The following RNF144A variants were observed in gnomAD, a reference collection of about 807,000 sequenced individuals.
RNF144A encodes the protein E3 ubiquitin-protein ligase RNF144A.
In RNF144A, 11 loss-of-function variants were observed where a neutral mutation model predicts 38.7. The ratio of observed to expected loss-of-function variants is 0.28; its 90% CI spans 0.18 to 0.47. The LOEUF is 0.47. Ranked by LOEUF, RNF144A falls within the 20% of genes least tolerant of loss-of-function variation. The pLI is 0.99. For synonymous variants in RNF144A, 149 were observed against 143.9 expected, an observed-to-expected ratio of 1.04 and a Z score of -0.25; for missense variants, 316 against 377.2, an observed-to-expected ratio of 0.84 and a Z score of 1.34.
intron 2 of RNF144A, among the ~76,000 whole-genome samples, chr2:6,992,824 C>A (rs927203807): frequency 5.3e-5 from 8 of 152,320 alleles, no homozygotes; most frequent in Admixed American, 4.6e-4. Flanking sequence ...TGTGTCCACA[C>A]CTCTTTCATC....
intron 2 of RNF144A, among the ~76,000 whole-genome samples, chr2:6,946,588 A>C (rs1666359431): frequency 6.6e-6 from 1 of 152,186 alleles, no homozygotes; most frequent in African/African-American, 2.4e-5. Flanking sequence ...AAATAAGGTG[A>C]AACCTCTTCT....
chr2:6,964,854 A>T (rs1378855019), intron 2 of RNF144A, among the ~76,000 whole-genome samples: 1 of 152,092 alleles, frequency 6.6e-6, no homozygotes, highest in Non-Finnish European at 1.5e-5. Flanking sequence ...GCTTTAGGAG[A>T]TATACCTAAT....
In RNF144A at chr2:7,030,257, C is replaced by CTGTGTGTGTG. The variant is rs58324246; in HGVS notation, c.747+82_747+91dup. The stretch of plus-strand genomic sequence containing the variant: ...CTGGAAGGTTGATCTCAGAGAGAGA[C>CTGTGTGTGTG]TGTGTGTGTGTGTGTGTGTGTGTGT... On this transcript the variant is annotated intron_variant, in intron 8 of 8. Transcript: ENST00000320892. The CTGTGTGTGTG allele has an allele frequency of 2.1e-3, 1,544 of 724,808 alleles. 5 individuals carry two copies. Among genetic ancestry groups the CTGTGTGTGTG allele is most frequent in the Admixed American group, 2.5e-3 (113 of 45,018 alleles). 44.9% of individuals were successfully genotyped at this position (724,808 alleles called of 1,614,324 possible). A position where few individuals can be genotyped will look rare whatever the true frequency, so the allele number is the denominator to read the frequency against.
In RNF144A at chr2:7,020,530, G is replaced by A. The variant is rs1671449323; in HGVS notation, c.359G>A (p.Cys120Tyr). ...WCPASTCQAVCQLQDVGLQTP... is the reference protein window; with the variant it reads ...WCPASTCQAVYQLQDVGLQTP... ...CCGGCGTCCACCTGCCAAGCTGTGT[G>A]TCAGCTCCAGGACGTGGGGCTGCAG... Residue 120 changes from cysteine (C) to tyrosine (Y), a missense_variant, in exon 6 of 9, where the codon TGT (cysteine) becomes TAT (tyrosine). Coordinates refer to ENST00000320892, the MANE Select transcript of RNF144A (RefSeq NM_014746.6). The A allele has an allele frequency of 6.2e-7, 1 of 1,613,762 alleles. No homozygotes were observed. Among genetic ancestry groups the A allele is most frequent in the Non-Finnish European group, 8.5e-7 (1 of 1,180,014 alleles).
chr2:7,015,472 G>C (rs1390162856), intron 5 of RNF144A, among the ~76,000 whole-genome samples: 1 of 152,182 alleles, frequency 6.6e-6, no homozygotes, highest in Non-Finnish European at 1.5e-5. Flanking sequence ...GCTGGAGCAG[G>C]CCTGATGCAG....
chr2:7,033,529 G>T (rs1488843369), intron 8 of RNF144A, among the ~76,000 whole-genome samples: 1 of 152,178 alleles, frequency 6.6e-6, no homozygotes, highest in Non-Finnish European at 1.5e-5. Context: ...TCTCTCCTTT[G>T]CCCTGGCCGT....
chr2:6,946,524 T>C (rs1324798631), intron 2 of RNF144A, among the ~76,000 whole-genome samples: 1 of 151,986 alleles, frequency 6.6e-6, no homozygotes, highest in African/African-American at 2.4e-5. Context: ...ATAATACCTA[T>C]AATTGTATGT....
At chr2:6,945,054 A>G (rs1193090282) in intron 2 of RNF144A, among the ~76,000 whole-genome samples, 1 of 152,258 alleles carries the variant, frequency 6.6e-6, no homozygotes, top group African/African-American at 2.4e-5. Context: ...TAAAAAGAAA[A>G]GAAATTGTTG....
chr2:6,966,905 G>A (rs139922647), intron 2 of RNF144A, among the ~76,000 whole-genome samples: 10 of 152,210 alleles, frequency 6.6e-5, no homozygotes, highest in Admixed American at 1.3e-4. Context: ...ACTTCCACCC[G>A]GAAGCCCTCC....
intron 2 of RNF144A, among the ~76,000 whole-genome samples, chr2:6,965,019 A>G (rs1667570794): frequency 6.6e-6 from 1 of 152,232 alleles, no homozygotes; most frequent in Non-Finnish European, 1.5e-5. Flanking sequence ...TCAACACAGT[A>G]GCAAGGAGTT....
rs185646342 is a variant in RNF144A, at chr2:6,979,110, G to A, written c.-11-17806G>A. Among the ~76,000 whole-genome samples the A allele has an allele frequency of 3.9e-5, 6 of 152,268 alleles. No homozygotes were observed. In the East Asian group the frequency reaches 1.2e-3, roughly 29 times the overall value. On this transcript the variant is annotated intron_variant, in intron 2 of 8. Transcript: ENST00000320892. Reference sequence around the variant, plus strand: ...TGGAGTCTAAGTTCTAGAATAGTGGGCGAGGGGCTGGGATAGGGGCTCAGC... The same window carrying A: ...TGGAGTCTAAGTTCTAGAATAGTGGACGAGGGGCTGGGATAGGGGCTCAGC...
intron 5 of RNF144A, 127 bp downstream of exon 5, chr2:7,014,899 T>C (rs1671044152): frequency 1.5e-6 from 1 of 686,088 alleles, no homozygotes; most frequent in East Asian, 2.6e-5. Context: ...TGATGTAAAA[T>C]AAACTTCTGA....
intron 8 of RNF144A, among the ~76,000 whole-genome samples, chr2:7,032,524 T>C (rs1295537060): frequency 4.6e-5 from 7 of 152,238 alleles, no homozygotes; most frequent in African/African-American, 7.2e-5. Context: ...CTGAAACCTG[T>C]AGGAGAGTCC....
In RNF144A at chr2:7,043,748, G is replaced by A. The variant is rs1322679902; in HGVS notation, c.*3988G>A. 19 of 985,734 alleles carry A rather than the reference G, an allele frequency of 1.9e-5. No individual in the cohort carries two copies. The highest frequency in any genetic ancestry group is 2.2e-5 in the Non-Finnish European group (18 of 829,942). The allele number at this position is 985,734 out of a possible 1,614,324, so 61.1% of individuals were successfully genotyped here. On this transcript the variant is annotated 3_prime_UTR_variant, in exon 9 of 9. Transcript: ENST00000320892. ...GGTCTCCACCCTTCCTTTGATTTGT[G>A]CAATTCTGTCTTCCACAGTTCCGGA...
chr2:6,965,563 G>A (rs968937178), intron 2 of RNF144A, among the ~76,000 whole-genome samples: 5 of 152,162 alleles, frequency 3.3e-5, no homozygotes, highest in African/African-American at 7.2e-5. Flanking sequence ...CAAACAGCGG[G>A]AAGATGGGGC....
intron 2 of RNF144A, among the ~76,000 whole-genome samples, chr2:6,948,313 C>G (rs558946858): frequency 6.6e-6 from 1 of 152,364 alleles, no homozygotes; most frequent in Non-Finnish European, 1.5e-5. Flanking sequence ...TTTTTATTCT[C>G]AAGCTCCTGG....
intron 1 of RNF144A, among the ~76,000 whole-genome samples, chr2:6,921,116 A>T (rs961237143): frequency 2.0e-5 from 3 of 152,164 alleles, no homozygotes; most frequent in Non-Finnish European, 4.4e-5. Context: ...AGAAGAGTGG[A>T]TTTTTTCCAA....
chr2:7,040,333 AAGTTAT>A lies in RNF144A; in HGVS notation c.*579_*584del. On this transcript the variant is annotated 3_prime_UTR_variant, in exon 9 of 9. Coordinates refer to ENST00000320892, the MANE Select transcript of RNF144A (RefSeq NM_014746.6). ...CCTTTCTTGAAATGTGCATTTTAAG[AAGTTAT>A]AGTTAAACGACTTTTCAGGAGATTT... 1 of 985,538 alleles carries A rather than the reference AAGTTAT, an allele frequency of 1.0e-6. No homozygotes were observed. Among genetic ancestry groups the A allele is most frequent in the Non-Finnish European group, 1.2e-6 (1 of 830,016 alleles). 61.0% of individuals were successfully genotyped at this position (985,538 alleles called of 1,614,324 possible).
At chr2:7,033,188 G>A (rs1174217852) in intron 8 of RNF144A, among the ~76,000 whole-genome samples, 3 of 152,260 alleles carry the variant, frequency 2.0e-5, no homozygotes, top group Non-Finnish European at 4.4e-5. Flanking sequence ...ATCCTCACAT[G>A]TATTTTGCTC....
Sources: gnomAD v4.1 joint callset for allele counts (sites outside exome capture counted in the v4.1 genomes callset) on GRCh38, gnomAD v4.1.1 for gene constraint, MANE v1.5 for transcripts, NCBI Gene and HGNC (gene_info 2026-07-23, HGNC 2026-07-21) for gene names.